RPS6KA5: variants seen among roughly 807,000 people sequenced by gnomAD.
The protein encoded by RPS6KA5 is ribosomal protein S6 kinase A5.
A neutral mutation model predicts 85.5 loss-of-function variants in RPS6KA5; 27 were observed. The observed-to-expected ratio is 0.32, with a 90% confidence interval of 0.23 to 0.44. RPS6KA5 has a LOEUF of 0.44. RPS6KA5 is among the 20% of genes least tolerant of loss of function. The pLI, the probability that RPS6KA5 is intolerant of heterozygous loss-of-function variation, is 1.00. For missense variants in RPS6KA5, 811 were observed against 980.9 expected (o/e 0.83, Z 2.31); for synonymous variants, 334 against 348.2 (o/e 0.96, Z 0.46).
At chr14:91,022,767 A>G (rs2041835327) in intron 1 of RPS6KA5, among the ~76,000 whole-genome samples, 1 of 152,174 alleles carries the variant, frequency 6.6e-6, no homozygotes, top group South Asian at 2.1e-4. Context: ...TGTAATTACA[A>G]ATATATATTC....
intron 3 of RPS6KA5, among the ~76,000 whole-genome samples, chr14:90,970,029 T>C (rs180692150): frequency 6.6e-5 from 10 of 152,284 alleles, no homozygotes; most frequent in African/African-American, 2.4e-4. Flanking sequence ...AGCTCCCTTT[T>C]CTTATCTTCT....
intron 6 of RPS6KA5, among the ~76,000 whole-genome samples, chr14:90,921,076 C>T (rs1313483942): frequency 6.6e-6 from 1 of 151,962 alleles, no homozygotes; most frequent in African/African-American, 2.4e-5. Flanking sequence ...TGTAATTAGG[C>T]AAATCAGAAT....
At chr14:90,952,415 C>A (rs8014885) in intron 3 of RPS6KA5, among the ~76,000 whole-genome samples, 69,126 of 152,152 alleles carry the variant, frequency 0.45, 16,805 homozygotes, top group East Asian at 0.55. Flanking sequence ...TGAAGTGTTA[C>A]AACGAATTCT....
Position 91,033,855 on chromosome 14 carries a change from G to T in RPS6KA5, c.103+26477C>A, listed in dbSNP as rs184515523. On this transcript the variant is annotated intron_variant, in intron 1 of 16. Transcript: ENST00000614987. ...GTTTACAGCAATATTGTTTTTAATA[G>T]GGAAAAAGAAAACTCAAATGTTCAT... 1.3e-3 allele frequency among the ~76,000 whole-genome samples: 195 copies of T among 152,092 alleles called. 1 individual carries two copies. The highest frequency in any genetic ancestry group is 4.5e-3 in the African/African-American group (185 of 41,494).
At position 90,860,410 on chromosome 14, in the gene RPS6KA5, T is replaced by G. The variant is rs1281264345; in HGVS notation, c.*11664A>C. On this transcript the variant is annotated 3_prime_UTR_variant, in exon 17 of 17. Transcript: ENST00000614987. ...TTAGCCAGGCGTGGTGGTGCATGCCTGTAATCCCAGCTACCTGGGAGGCTG... is the reference window on the plus strand; with the variant it reads ...TTAGCCAGGCGTGGTGGTGCATGCCGGTAATCCCAGCTACCTGGGAGGCTG... The G allele has an allele frequency of 1.3e-5, 2 of 152,278 alleles. No homozygotes were observed. Among genetic ancestry groups the G allele is most frequent in the South Asian group, 4.1e-4 (2 of 4,836 alleles). 9.4% of individuals were successfully genotyped at this position (152,278 alleles called of 1,614,324 possible).
At position 90,854,393 on chromosome 14, in the gene RPS6KA5, T is replaced by C. The variant is rs893271712; in HGVS notation, c.*17681A>G. The C allele has an allele frequency of 1.3e-5, 2 of 152,166 alleles. No individual in the cohort carries two copies. Among genetic ancestry groups the C allele is most frequent in the South Asian group, 4.1e-4 (2 of 4,832 alleles). 9.4% of individuals were successfully genotyped at this position (152,166 alleles called of 1,614,324 possible). A position where few individuals can be genotyped will look rare whatever the true frequency, so the allele number is the denominator to read the frequency against. On this transcript the variant is annotated 3_prime_UTR_variant, in exon 17 of 17. Transcript: ENST00000614987. ...TTAGAAATAGCCTACATAATGAAGA[T>C]TATGTATTATATAGTCACAAATTTT...
At chr14:91,024,209 T>A (rs1473390998) in intron 1 of RPS6KA5, among the ~76,000 whole-genome samples, 1 of 151,974 alleles carries the variant, frequency 6.6e-6, no homozygotes, top group African/African-American at 2.4e-5. Context: ...TGTCTTTTCC[T>A]TTTTTTTCCC....
intron 14 of RPS6KA5, 99 bp from the exon 15 acceptor site, chr14:90,875,459 G>A (rs2033397571): frequency 2.0e-6 from 2 of 1,020,062 alleles, no homozygotes; most frequent in East Asian, 2.5e-5. Context: ...TTTACCAATT[G>A]CTACAACTAG....
chr14:90,915,023 G>A (rs2036036468), intron 7 of RPS6KA5, among the ~76,000 whole-genome samples: 1 of 152,160 alleles, frequency 6.6e-6, no homozygotes, highest in African/African-American at 2.4e-5. Flanking sequence ...GAGAATCAAG[G>A]AGGCTTTATA....
intron 5 of RPS6KA5, among the ~76,000 whole-genome samples, chr14:90,925,874 C>A (rs1289542408): frequency 7.5e-6 from 1 of 133,974 alleles, no homozygotes; most frequent in Non-Finnish European, 1.5e-5. Flanking sequence ...AGCAGGAGAT[C>A]GAGGCTGCAG....
Position 90,863,302 on chromosome 14 carries a change from C to CAAAAAAAAAAAAAAAAAAAAA in RPS6KA5, c.*8751_*8771dup, listed in dbSNP as rs61230626. 8.1e-5 allele frequency: 2 copies of CAAAAAAAAAAAAAAAAAAAAA among 24,808 alleles called. No homozygotes were observed. The highest frequency in any genetic ancestry group is 1.7e-4 in the Non-Finnish European group (2 of 11,458). The allele number at this position is 24,808 out of a possible 1,614,324, so 1.5% of individuals were successfully genotyped here. A position where few individuals can be genotyped will look rare whatever the true frequency, so the allele number is the denominator to read the frequency against. ...TGGGTGGCAGAGCGAGACTCCGTCT[C>CAAAAAAAAAAAAAAAAAAAAA]AAAAAAAAAAAAAAAAAAAAAAAAA... On this transcript the variant is annotated 3_prime_UTR_variant, in exon 17 of 17. Coordinates refer to ENST00000614987, the MANE Select transcript of RPS6KA5 (RefSeq NM_004755.4).
At chr14:91,057,092 G>C (rs2043356136) in intron 1 of RPS6KA5, among the ~76,000 whole-genome samples, 1 of 151,342 alleles carries the variant, frequency 6.6e-6, no homozygotes, top group Non-Finnish European at 1.5e-5. Context: ...GGTTGTCCAG[G>C]ATGGTCTCCA....
rs990386811 is a variant in RPS6KA5, at chr14:90,854,754, G to C, written c.*17320C>G. ...TAAAAATATGTACAACTAGACTAATGATGCCAAATACTTACACAAGTTCAT... is the reference window on the plus strand; with the variant it reads ...TAAAAATATGTACAACTAGACTAATCATGCCAAATACTTACACAAGTTCAT... On this transcript the variant is annotated 3_prime_UTR_variant, in exon 17 of 17. Transcript: ENST00000614987. The C allele has an allele frequency of 2.6e-5, 4 of 152,120 alleles. No individual in the cohort carries two copies. The highest frequency in any genetic ancestry group is 5.9e-5 in the Non-Finnish European group (4 of 68,000). 9.4% of individuals were successfully genotyped at this position (152,120 alleles called of 1,614,324 possible). A position where few individuals can be genotyped will look rare whatever the true frequency, so the allele number is the denominator to read the frequency against.
intron 2 of RPS6KA5, among the ~76,000 whole-genome samples, chr14:90,988,151 T>G (rs984345418): frequency 6.6e-6 from 1 of 152,234 alleles, no homozygotes; most frequent in Non-Finnish European, 1.5e-5. Flanking sequence ...AGAATGGAAA[T>G]AAATGCATCA....
At chr14:90,982,327 T>C (rs1281748447) in intron 2 of RPS6KA5, among the ~76,000 whole-genome samples, 3 of 151,770 alleles carry the variant, frequency 2.0e-5, no homozygotes, top group East Asian at 1.9e-4. Context: ...CTGGGTTCAG[T>C]GGCTCATGCC....
intron 3 of RPS6KA5, among the ~76,000 whole-genome samples, chr14:90,948,735 A>C (rs1326244998): frequency 6.6e-6 from 1 of 152,002 alleles, no homozygotes; most frequent in East Asian, 1.9e-4. Context: ...ACAACAACAA[A>C]AAAAACCACT....
intron 1 of RPS6KA5, among the ~76,000 whole-genome samples, chr14:91,050,691 A>C (rs552872033): frequency 6.6e-6 from 1 of 152,300 alleles, no homozygotes; most frequent in Admixed American, 6.5e-5. Context: ...AGCCTCCCAA[A>C]GTGCTGGGAT....
intron 1 of RPS6KA5, among the ~76,000 whole-genome samples, chr14:91,046,795 C>T (rs1429479906): frequency 1.3e-5 from 2 of 152,138 alleles, no homozygotes; most frequent in Non-Finnish European, 2.9e-5. Context: ...ATTAAAAGTG[C>T]TTCTAATTAA....
intron 1 of RPS6KA5, 75 bp downstream of exon 1, chr14:91,060,257 C>G (rs1477404836): frequency 2.0e-6 from 2 of 1,001,008 alleles, no homozygotes; most frequent in Non-Finnish European, 2.4e-6. Flanking sequence ...GCGCCCCCAG[C>G]CCCGCGCGGG....
Sources: allele counts gnomAD v4.1 joint callset (sites outside exome capture counted in the v4.1 genomes callset), GRCh38; gene constraint gnomAD v4.1.1; transcripts MANE v1.5; gene names NCBI Gene and HGNC (gene_info 2026-07-23, HGNC 2026-07-21).